Variants in SEMA5A observed in about 807,000 individuals in gnomAD.
SEMA5A encodes the protein semaphorin-5A.
Under a neutral mutation model 135.5 loss-of-function variants are expected in SEMA5A, and 55 were observed. The ratio of observed to expected loss-of-function variants is 0.41; its 90% CI spans 0.33 to 0.51. The LOEUF is 0.51. Ranked by LOEUF, SEMA5A falls within the 20% of genes least tolerant of loss-of-function variation. SEMA5A has a pLI of 0.37. For missense variants in SEMA5A, 1,290 were observed against 1,419.9 expected, an observed-to-expected ratio of 0.91 and a Z score of 1.47; for synonymous variants, 580 against 546.5, an observed-to-expected ratio of 1.06 and a Z score of -0.85.
At chr5:9,513,723 C>T (rs1736350866) in intron 1 of SEMA5A, among the ~76,000 whole-genome samples, 1 of 152,184 alleles carries the variant, frequency 6.6e-6, no homozygotes, top group Non-Finnish European at 1.5e-5. Flanking sequence ...CCAGAGTCGA[C>T]TTCAGAATAT....
chr5:9,048,831 T>A, intron 21 of SEMA5A, among the ~76,000 whole-genome samples: 1 of 152,240 alleles, frequency 6.6e-6, no homozygotes, highest in East Asian at 1.9e-4. Flanking sequence ...CTAATTGGTA[T>A]GATCATTTTT....
intron 5 of SEMA5A, among the ~76,000 whole-genome samples, chr5:9,247,678 T>A (rs551743904): frequency 3.9e-5 from 6 of 152,270 alleles, no homozygotes; most frequent in African/African-American, 1.4e-4. Flanking sequence ...GAGAACATAT[T>A]GATCTATTTT....
intron 16 of SEMA5A, among the ~76,000 whole-genome samples, chr5:9,070,655 G>T (rs1189003755): frequency 6.6e-6 from 1 of 152,144 alleles, no homozygotes; most frequent in Non-Finnish European, 1.5e-5. Flanking sequence ...CCCAGAGGTG[G>T]GCACAGCTCA....
At chr5:9,509,179 A>G (rs1200893622) in intron 1 of SEMA5A, among the ~76,000 whole-genome samples, 2 of 151,848 alleles carry the variant, frequency 1.3e-5, no homozygotes, top group Admixed American at 1.3e-4. Context: ...GAGAGGAGGA[A>G]TTTGGAAAGT....
intron 16 of SEMA5A, among the ~76,000 whole-genome samples, chr5:9,091,523 T>C (rs1399786936): frequency 1.3e-5 from 2 of 152,140 alleles, no homozygotes; most frequent in Non-Finnish European, 2.9e-5. Flanking sequence ...GAAGTACATC[T>C]CCTTACAAGC....
chr5:9,148,733 G>T (rs940834828), intron 12 of SEMA5A, among the ~76,000 whole-genome samples: 6 of 151,968 alleles, frequency 3.9e-5, no homozygotes, highest in Admixed American at 2.0e-4. Flanking sequence ...TTTTGTTTTG[G>T]TTTTGAGACA....
At chr5:9,414,893 A>C (rs1222156507) in intron 2 of SEMA5A, among the ~76,000 whole-genome samples, 1 of 152,224 alleles carries the variant, frequency 6.6e-6, no homozygotes, top group African/African-American at 2.4e-5. Flanking sequence ...GATTGAAACA[A>C]CATATGTAAA....
chr5:9,158,605 G>A (rs17239547), intron 11 of SEMA5A, among the ~76,000 whole-genome samples: 14,327 of 151,982 alleles, frequency 0.094, 771 homozygotes, highest in Middle Eastern at 0.19. Flanking sequence ...GCTGACCAGA[G>A]GATGCTCAGA....
chr5:9,455,374 G>GC (rs1478897620), intron 1 of SEMA5A, among the ~76,000 whole-genome samples: 1 of 151,756 alleles, frequency 6.6e-6, no homozygotes, highest in Non-Finnish European at 1.5e-5. Context: ...TCCTGCCCCA[G>GC]CCTCCCGAGT....
chr5:9,177,810 A>G (rs1255722009), intron 11 of SEMA5A, among the ~76,000 whole-genome samples: 1 of 152,246 alleles, frequency 6.6e-6, no homozygotes, highest in African/African-American at 2.4e-5. Flanking sequence ...AAAACTAAGC[A>G]TGAGGATACT....
chr5:9,447,952 C>T (rs987026532), intron 1 of SEMA5A, among the ~76,000 whole-genome samples: 2 of 152,200 alleles, frequency 1.3e-5, no homozygotes, highest in African/African-American at 4.8e-5. Context: ...TGATGCCTCT[C>T]TGCCCACTCT....
chr5:9,105,567 A>G (rs1444132155), intron 16 of SEMA5A, among the ~76,000 whole-genome samples: 1 of 152,156 alleles, frequency 6.6e-6, no homozygotes, highest in East Asian at 1.9e-4. Flanking sequence ...AAGCCCATGG[A>G]TAACAATTAA....
intron 11 of SEMA5A, among the ~76,000 whole-genome samples, chr5:9,171,102 G>A (rs1743896636): frequency 6.6e-6 from 1 of 152,188 alleles, no homozygotes; most frequent in African/African-American, 2.4e-5. Context: ...GCAAAAAGAT[G>A]CCTACACCTC....
chr5:9,058,119 AT>A (rs1298776923), intron 18 of SEMA5A, among the ~76,000 whole-genome samples: 2 of 152,062 alleles, frequency 1.3e-5, no homozygotes, highest in East Asian at 1.9e-4. Context: ...ACTAAAATAG[AT>A]TTTTTTCCCC....
At chr5:9,093,195 T>C (rs1033261626) in intron 16 of SEMA5A, among the ~76,000 whole-genome samples, 2 of 152,234 alleles carry the variant, frequency 1.3e-5, no homozygotes, top group South Asian at 4.1e-4. Flanking sequence ...AGAATATGGC[T>C]ACATACATAT....
intron 13 of SEMA5A, among the ~76,000 whole-genome samples, chr5:9,134,591 C>T (rs994341232): frequency 6.6e-5 from 10 of 152,128 alleles, no homozygotes; most frequent in East Asian, 1.9e-4. Context: ...GAGGGTCCCA[C>T]GGGGACAAGC....
At chr5:9,389,784 A>G (rs1158573885) in intron 2 of SEMA5A, among the ~76,000 whole-genome samples, 2 of 152,122 alleles carry the variant, frequency 1.3e-5, no homozygotes, top group African/African-American at 4.8e-5. Context: ...GGAGCCTTCT[A>G]TGAATTTTTT....
At chr5:9,059,761 G>A (rs1212125533) in intron 18 of SEMA5A, among the ~76,000 whole-genome samples, 1 of 152,102 alleles carries the variant, frequency 6.6e-6, no homozygotes, top group Non-Finnish European at 1.5e-5. Context: ...TGTTGGCCAG[G>A]CTGGTCTCAA....
intron 5 of SEMA5A, among the ~76,000 whole-genome samples, chr5:9,304,375 T>A (rs1350573007): frequency 6.6e-6 from 1 of 152,132 alleles, no homozygotes; most frequent in Non-Finnish European, 1.5e-5. Flanking sequence ...AAAGAACATA[T>A]CCTTATTTTT....
Sources: allele counts gnomAD v4.1 joint callset (sites outside exome capture counted in the v4.1 genomes callset), GRCh38; gene constraint gnomAD v4.1.1; transcripts MANE v1.5; gene names NCBI Gene and HGNC (gene_info 2026-07-23, HGNC 2026-07-21).